Variants in GALNT14 observed in about 807,000 individuals in gnomAD.
GALNT14 encodes the protein polypeptide N-acetylgalactosaminyltransferase 14, also known as UDP-GalNAc:polypeptide N-acetylgalactosaminyltransferase 14.
GALNT14 carries 60 observed loss-of-function variants against 77.5 expected under a neutral mutation model. The observed-to-expected ratio is 0.77, with a 90% CI of 0.63 to 0.96. The LOEUF (loss-of-function observed/expected upper bound fraction) is 0.96. Ranked by LOEUF, GALNT14 falls within the 40% of genes least tolerant of loss-of-function variation. The pLI, the probability that GALNT14 is intolerant of heterozygous loss-of-function variation, is 0.00. For synonymous variants in GALNT14, 280 were observed against 281.7 expected (o/e 0.99, Z 0.06); for missense variants, 710 against 731.0 (o/e 0.97, Z 0.33).
chr2:31,130,794 C>CTGTG (rs1678957234), intron 1 of GALNT14, among the ~76,000 whole-genome samples: 1 of 89,082 alleles, frequency 1.1e-5, no homozygotes, highest in African/African-American at 5.7e-5. Flanking sequence ...GCGCGCGCAC[C>CTGTG]TGTGTGTGTG....
intron 1 of GALNT14, among the ~76,000 whole-genome samples, chr2:31,134,835 G>A (rs1415562815): frequency 6.6e-6 from 1 of 152,192 alleles, no homozygotes; most frequent in Non-Finnish European, 1.5e-5. Flanking sequence ...AGTTTCAGGA[G>A]GGATCCCATT....
chr2:30,943,573 G>A (rs745628237), intron 8 of GALNT14, among the ~76,000 whole-genome samples: 17 of 152,116 alleles, frequency 1.1e-4, no homozygotes, highest in Non-Finnish European at 1.8e-4. Flanking sequence ...CCACCCCTGC[G>A]ACAGAGGCAG....
chr2:30,939,570 C>G (rs1363702537), intron 9 of GALNT14, among the ~76,000 whole-genome samples: 1 of 151,906 alleles, frequency 6.6e-6, no homozygotes, highest in Admixed American at 6.6e-5. Context: ...AATGCCAGGC[C>G]CGGAAGGGGT....
intron 1 of GALNT14, among the ~76,000 whole-genome samples, chr2:31,060,491 A>C (rs114537761): frequency 0.012 from 1,858 of 152,350 alleles, 45 homozygotes; most frequent in African/African-American, 0.042. Flanking sequence ...TTCCATTCTG[A>C]ATAGACTGAA....
rs1673779510 is a variant in GALNT14, at chr2:31,050,451, T to C, written c.130-57444A>G. On this transcript the variant is annotated intron_variant, in intron 1 of 14. Transcript: ENST00000349752. Reference sequence around the variant, plus strand: ...GATGGGGGAGGAGTGGAGGGAGGACTAAAAAGGGGCGGAGTGAGAAGGAGC... The same window carrying C: ...GATGGGGGAGGAGTGGAGGGAGGACCAAAAAGGGGCGGAGTGAGAAGGAGC... Among the ~76,000 whole-genome samples, 4 of 151,680 alleles carry C rather than the reference T, an allele frequency of 2.6e-5. No homozygotes were observed. The South Asian group carries it at 6.2e-4, about 24-fold the overall frequency.
intron 7 of GALNT14, among the ~76,000 whole-genome samples, chr2:30,945,226 C>G (rs548158973): frequency 6.6e-6 from 1 of 152,106 alleles, no homozygotes; most frequent in African/African-American, 2.4e-5. Context: ...GGGTAGGGGC[C>G]GAGGATGACA....
intron 6 of GALNT14, among the ~76,000 whole-genome samples, chr2:30,947,380 C>A (rs1175456264): frequency 6.6e-6 from 1 of 152,202 alleles, no homozygotes; most frequent in Non-Finnish European, 1.5e-5. Flanking sequence ...CAGGCCACCC[C>A]ATCTACGGCA....
At chr2:30,999,252 T>G (rs553333876) in intron 1 of GALNT14, among the ~76,000 whole-genome samples, 1 of 152,222 alleles carries the variant, frequency 6.6e-6, no homozygotes, top group Admixed American at 6.5e-5. Context: ...AGGTCCCAAA[T>G]AGCCCACTCC....
chr2:31,016,635 T>C (rs1166602754), intron 1 of GALNT14, among the ~76,000 whole-genome samples: 1 of 152,084 alleles, frequency 6.6e-6, no homozygotes, highest in Non-Finnish European at 1.5e-5. Flanking sequence ...GAACAAGACC[T>C]GCCTCTCCTG....
Position 30,921,257 on chromosome 2 carries a change from C to T in GALNT14, c.1380+2862G>A, listed in dbSNP as rs1035687756. ...TCAGGTACCAGAAAAGTCCCCTGTT[C>T]TGCTGGAAACAGACCAAGCACACTC... On this transcript the variant is annotated intron_variant, in intron 13 of 14. Transcript: ENST00000349752. Among the ~76,000 whole-genome samples, 4 of 152,180 alleles carry T rather than the reference C, an allele frequency of 2.6e-5. No homozygotes were observed. The East Asian group carries it at 7.7e-4, about 29-fold the overall frequency.
At chr2:31,007,302 C>T (rs749817371) in intron 1 of GALNT14, among the ~76,000 whole-genome samples, 9 of 152,144 alleles carry the variant, frequency 5.9e-5, no homozygotes, top group African/African-American at 4.8e-5. Context: ...ATCTCCAAAA[C>T]GCAGCAGGAA....
chr2:30,923,073 T>C (rs1374885179), intron 13 of GALNT14, among the ~76,000 whole-genome samples: 1 of 148,320 alleles, frequency 6.7e-6, no homozygotes, highest in African/African-American at 2.6e-5. Flanking sequence ...TTTTTTTTTT[T>C]TTTTTTGAAA....
rs551328734 is a variant in GALNT14, at chr2:31,052,734, C to T, written c.130-59727G>A. On this transcript the variant is annotated intron_variant, in intron 1 of 14. Transcript: ENST00000349752. ...AAATCCAGGGCCTCTTTGGGAGCTT[C>T]TTTTGCCTTCAAGTGAGGACTGCCA... 2.6e-5 allele frequency among the ~76,000 whole-genome samples: 4 copies of T among 152,336 alleles called. No individual in the cohort carries two copies. In the East Asian group the frequency reaches 7.7e-4, roughly 29 times the overall value.
In GALNT14 at chr2:30,958,427, T is replaced by C. The variant is rs755008275; in HGVS notation, c.436A>G (p.Ile146Val). The C allele has an allele frequency of 1.2e-6, 2 of 1,614,056 alleles. No homozygotes were observed. Among genetic ancestry groups the C allele is most frequent in the East Asian group, 4.5e-5 (2 of 44,884 alleles). ...NRTPTHLIRE[I>V]ILVDDFSNDP... The stretch of plus-strand genomic sequence containing the variant: ...TTGCTGAAGTCATCCACTAATATGA[T>C]TTCCCGGATCAGATGCGTAGGGGTG... Residue 146 changes from isoleucine to valine, a missense_variant, in exon 4 of 15, where the codon ATC becomes GTC. Transcript: ENST00000349752.
intron 13 of GALNT14, among the ~76,000 whole-genome samples, chr2:30,916,014 C>A (rs757080879): frequency 2.0e-5 from 3 of 152,144 alleles, no homozygotes; most frequent in Non-Finnish European, 4.4e-5. Context: ...CAGACCTCCA[C>A]AAACAAGTTT....
At chr2:30,918,011 C>G (rs1323944436) in intron 13 of GALNT14, among the ~76,000 whole-genome samples, 2 of 152,212 alleles carry the variant, frequency 1.3e-5, no homozygotes, top group Non-Finnish European at 2.9e-5. Context: ...GTGACAACAG[C>G]ACAAGTGAGC....
In GALNT14 at chr2:30,955,571, A is replaced by G. The variant is rs367877467; in HGVS notation, c.654+47T>C. On this transcript the variant is annotated intron_variant, in intron 6 of 14. Transcript: ENST00000349752. Reference sequence around the variant, plus strand: ...GTAATGAGCTTGAGAGAGAGCCTGGAGAAAGCTGGGGCACGAGGCCCGGCC... The same window carrying G: ...GTAATGAGCTTGAGAGAGAGCCTGGGGAAAGCTGGGGCACGAGGCCCGGCC... 250 of 1,599,286 alleles carry G rather than the reference A, an allele frequency of 1.6e-4. 1 individual carries two copies. The Middle Eastern group carries it at 3.8e-3, about 25-fold the overall frequency.
chr2:31,049,340 C>T (rs1467299705), intron 1 of GALNT14, among the ~76,000 whole-genome samples: 2 of 152,208 alleles, frequency 1.3e-5, no homozygotes, highest in East Asian at 3.9e-4. Context: ...AAAGAAGACC[C>T]GAGGCTCCTC....
intron 1 of GALNT14, among the ~76,000 whole-genome samples, chr2:31,049,239 C>G (rs1372597581): frequency 6.6e-6 from 1 of 152,158 alleles, no homozygotes; most frequent in Admixed American, 6.5e-5. Context: ...GGGGTGGGCT[C>G]TGTGTCTTCA....
Sources: allele counts gnomAD v4.1 joint callset (sites outside exome capture counted in the v4.1 genomes callset), GRCh38; gene constraint gnomAD v4.1.1; transcripts MANE v1.5; gene names NCBI Gene and HGNC (gene_info 2026-07-23, HGNC 2026-07-21).